The following UMODL1 variants were observed in gnomAD, a reference collection of about 807,000 sequenced individuals.
The protein encoded by UMODL1 is uromodulin-like 1.
A neutral mutation model predicts 136.3 loss-of-function variants in UMODL1; 128 were observed. That is an observed-to-expected ratio of 0.94 (90% CI 0.81 to 1.09). UMODL1 has a LOEUF of 1.09. UMODL1 is among the 50% of genes least tolerant of loss of function. The probability of loss-of-function intolerance (pLI) is 0.00; values close to 1 mark genes in which losing one functional copy is unlikely to be tolerated. For missense variants in UMODL1, 1,766 were observed against 1,725.6 expected (o/e 1.02, Z -0.41); for synonymous variants, 721 against 720.0 (o/e 1.00, Z -0.02).
At position 42,085,797 on chromosome 21, in the gene UMODL1, G is replaced by A. The variant is rs900695561; in HGVS notation, c.603+385G>A. ...TTCTTCAAGTTCTGGCTCCTGCTTC[G>A]TGGAAGCCAGCACCAACCTGGGAGT... On this transcript the variant is annotated intron_variant, in intron 4 of 22. Coordinates refer to ENST00000408910, the MANE Select transcript of UMODL1 (RefSeq NM_001004416.3). The surrounding 1 kb of genome is among the most constrained non-coding windows in gnomAD (Gnocchi z 4.5). Among the ~76,000 whole-genome samples, 3 of 152,084 alleles carry A rather than the reference G, an allele frequency of 2.0e-5. No homozygotes were observed. Among genetic ancestry groups the A allele is most frequent in the Non-Finnish European group, 4.4e-5 (3 of 68,006 alleles).
At chr21:42,094,477 G>A (rs1263493859) in intron 6 of UMODL1, among the ~76,000 whole-genome samples, 1 of 152,152 alleles carries the variant, frequency 6.6e-6, no homozygotes, top group Non-Finnish European at 1.5e-5. Flanking sequence ...AAGGGCTCTG[G>A]GGCCTGAAGT....
intron 20 of UMODL1, 79 bp downstream of exon 20, chr21:42,127,910 A>C: frequency 6.3e-7 from 1 of 1,592,796 alleles, no homozygotes; most frequent in Non-Finnish European, 8.6e-7. Context: ...TGTTAATAAA[A>C]ACCTAGGGCT....
rs1425272889 is a variant in UMODL1, at chr21:42,076,142, A to G, written c.214A>G (p.Lys72Glu). The stretch of plus-strand genomic sequence containing the variant: ...CTGGATCCCCTGGAGGCGGTGCCCT[A>G]AGATGGTTTACCGGACACAGTACCT... The part of the protein sequence containing the change: ...GGWIPWRRCP[K>E]MVYRTQYLVV... Residue 72 changes from lysine to glutamate, a missense_variant, in exon 2 of 23, where the codon AAG (lysine) becomes GAG (glutamate). Transcript: ENST00000408910. 5 of 1,614,210 alleles carry G rather than the reference A, an allele frequency of 3.1e-6. No homozygotes were observed. The East Asian group carries it at 8.9e-5, about 29-fold the overall frequency.
At chr21:42,112,322 G>A (rs1394973427) in intron 12 of UMODL1, among the ~76,000 whole-genome samples, 3 of 151,060 alleles carry the variant, frequency 2.0e-5, no homozygotes, top group Non-Finnish European at 4.4e-5. Context: ...CAGCTGCTCT[G>A]TATCTGCCTA....
At chr21:42,098,333 CT>C (rs1408021900) in intron 6 of UMODL1, among the ~76,000 whole-genome samples, 1 of 152,196 alleles carries the variant, frequency 6.6e-6, no homozygotes, top group East Asian at 1.9e-4. Flanking sequence ...CTTCAGACCT[CT>C]TGCTTCTCCA....
intron 22 of UMODL1, among the ~76,000 whole-genome samples, chr21:42,138,127 C>A (rs1032224668): frequency 6.6e-6 from 1 of 152,132 alleles, no homozygotes; most frequent in African/African-American, 2.4e-5. Context: ...CTTGACCACC[C>A]GGGCAAGGTC....
intron 3 of UMODL1, among the ~76,000 whole-genome samples, chr21:42,084,999 C>A (rs2066408812): frequency 1.3e-5 from 2 of 151,888 alleles, no homozygotes; most frequent in Admixed American, 1.3e-4. Context: ...GCTCTATTTA[C>A]CTCCTAAGCA....
intron 22 of UMODL1, among the ~76,000 whole-genome samples, chr21:42,139,611 C>CG (rs1177886768): frequency 6.6e-6 from 1 of 152,048 alleles, no homozygotes; most frequent in African/African-American, 2.4e-5. Flanking sequence ...AATTTTCCCT[C>CG]GATGTTTTAA....
upstream of UMODL1, among the ~76,000 whole-genome samples, chr21:42,066,930 CT>C (rs890318080): frequency 6.6e-5 from 10 of 151,636 alleles, no homozygotes; most frequent in African/African-American, 2.4e-4. Context: ...TCTTTTCCAC[CT>C]TTGTGGAGAG....
intron 1 of UMODL1, among the ~76,000 whole-genome samples, chr21:42,065,063 G>A (rs1172436288): frequency 1.3e-5 from 2 of 152,084 alleles, no homozygotes; most frequent in Admixed American, 1.3e-4. Flanking sequence ...AGCCTGATTC[G>A]AGGTAGAGGC....
At chr21:42,124,754 C>T (rs2067029608) in intron 17 of UMODL1, among the ~76,000 whole-genome samples, 1 of 152,080 alleles carries the variant, frequency 6.6e-6, no homozygotes, top group Non-Finnish European at 1.5e-5. Context: ...GGGCTTCTGT[C>T]CCTCAGGACC....
rs1289125981 is a variant in UMODL1 at position 42,111,255 on chromosome 21, C to T, written c.1899+134C>T. ...CAGGCGAGCCCCAGCCAGAGGAGCA[C>T]CAGCCAGGGGAGCCCCAGCCAGGTG... On this transcript the variant is annotated intron_variant, in intron 11 of 22. Coordinates refer to ENST00000408910, the MANE Select transcript of UMODL1 (RefSeq NM_001004416.3). 7 of 1,526,492 alleles carry T rather than the reference C, an allele frequency of 4.6e-6. No homozygotes were observed. The South Asian group carries it at 4.9e-5, about 11-fold the overall frequency. 94.6% of individuals were successfully genotyped at this position (1,526,492 alleles called of 1,614,324 possible). A position where few individuals can be genotyped will look rare whatever the true frequency, so the allele number is the denominator to read the frequency against.
In UMODL1 at chr21:42,122,189, G is replaced by T. The variant is rs1460441276; in HGVS notation, c.2828-642G>T. 6.6e-6 allele frequency among the ~76,000 whole-genome samples: 1 copy of T among 152,190 alleles called. No homozygotes were observed. The highest frequency in any genetic ancestry group is 2.4e-5 in the African/African-American group (1 of 41,446). The stretch of plus-strand genomic sequence containing the variant: ...AGATGATGGAGCCACTGCTGAAGGA[G>T]GGTGGAGGGCACGTGCGGAGCTGTG... On this transcript the variant is annotated intron_variant, in intron 16 of 22. Transcript: ENST00000408910. The surrounding 1 kb of genome is among the most constrained non-coding windows in gnomAD (Gnocchi z 4.3).
chr21:42,069,574 G>T (rs1208216307), upstream of UMODL1, among the ~76,000 whole-genome samples: 3 of 152,088 alleles, frequency 2.0e-5, no homozygotes, highest in Non-Finnish European at 4.4e-5. Flanking sequence ...CTTGTTTACT[G>T]GCTGTGTGGC....
At chr21:42,129,071 C>T (rs750782843) in intron 20 of UMODL1, among the ~76,000 whole-genome samples, 14 of 152,112 alleles carry the variant, frequency 9.2e-5, no homozygotes, top group East Asian at 5.8e-4. Flanking sequence ...CCCTGTCTCT[C>T]GGTGTTGCCT....
chr21:42,132,355 C>T (rs1047235676), intron 21 of UMODL1, among the ~76,000 whole-genome samples: 18 of 151,728 alleles, frequency 1.2e-4, no homozygotes, highest in African/African-American at 4.1e-4. Context: ...CATCCATCCA[C>T]CCATTCCTTC....
At chr21:42,075,241 T>TGGCG (rs537937597) in intron 1 of UMODL1, among the ~76,000 whole-genome samples, 1 of 142,916 alleles carries the variant, frequency 7.0e-6, no homozygotes, top group African/African-American at 2.7e-5. Context: ...TTGCTGGAGA[T>TGGCG]GGGGGGGGGG....
At chr21:42,094,836 G>A (rs1226164610) in intron 6 of UMODL1, among the ~76,000 whole-genome samples, 5 of 147,074 alleles carry the variant, frequency 3.4e-5, no homozygotes, top group Non-Finnish European at 4.5e-5. Context: ...GTGAAATTTC[G>A]TAGATATGTA....
At position 42,142,335 on chromosome 21, in the gene UMODL1, CCAGGGG is replaced by C; in HGVS notation, c.*265_*270del. On this transcript the variant is annotated 3_prime_UTR_variant, in exon 23 of 23. Coordinates refer to ENST00000408910, the MANE Select transcript of UMODL1 (RefSeq NM_001004416.3). Reference sequence around the variant, plus strand: ...CTGTAGGTCCTAGAGGAGCCACAGCCCAGGGGCAGATGAAGGGGCTGCGGAAGACGG... The same window carrying C: ...CTGTAGGTCCTAGAGGAGCCACAGCCCAGATGAAGGGGCTGCGGAAGACGG... The C allele has an allele frequency of 6.6e-6, 1 of 152,444 alleles. No individual in the cohort carries two copies. Among genetic ancestry groups the C allele is most frequent in the Non-Finnish European group, 1.5e-5 (1 of 68,120 alleles). The allele number at this position is 152,444 out of a possible 1,614,324, so 9.4% of individuals were successfully genotyped here. A position where few individuals can be genotyped will look rare whatever the true frequency, so the allele number is the denominator to read the frequency against.
Sources: gnomAD v4.1 joint callset for allele counts (sites outside exome capture counted in the v4.1 genomes callset) on GRCh38, gnomAD v4.1.1 for gene constraint, Gnocchi (gnomAD v3.1) non-coding constraint, MANE v1.5 for transcripts, NCBI Gene and HGNC (gene_info 2026-07-23, HGNC 2026-07-21) for gene names.